The following CMIP variants were observed in gnomAD, a reference collection of about 807,000 sequenced individuals.
The protein encoded by CMIP is c-Maf inducing protein.
A neutral mutation model predicts 97.3 loss-of-function variants in CMIP; 13 were observed. That is an observed-to-expected ratio of 0.13 (90% CI 0.09 to 0.21). The LOEUF is 0.21. Among genes scored for constraint, CMIP ranks in the 10% least tolerant of loss-of-function variants. CMIP has a pLI of 1.00. For synonymous variants in CMIP, 538 were observed against 436.3 expected (o/e 1.23, Z -2.91); for missense variants, 847 against 1,024.9 (o/e 0.83, Z 2.37).
At chr16:81,611,054 C>T (rs534759284) in intron 2 of CMIP, among the ~76,000 whole-genome samples, 27 of 152,108 alleles carry the variant, frequency 1.8e-4, no homozygotes, top group Admixed American at 5.9e-4. Context: ...TAAATGGTGC[C>T]GCCCGGCACA....
At position 81,544,931 on chromosome 16, in the gene CMIP, C is replaced by T. The variant is rs566907773; in HGVS notation, c.301-62636C>T. ...GTCCACAGGACAAAGTTCAACCCCT[C>T]ATTTTTTTGGCAGAGAAGGCTGCCA... On this transcript the variant is annotated intron_variant, in intron 1 of 20. Coordinates refer to ENST00000537098, the MANE Select transcript of CMIP (RefSeq NM_198390.3). 3.3e-5 allele frequency among the ~76,000 whole-genome samples: 5 copies of T among 151,010 alleles called. No homozygotes were observed. The South Asian group carries it at 1.0e-3, about 31-fold the overall frequency.
rs879469973 is a variant in CMIP, at chr16:81,671,885, A to T, written c.930-81A>T. 1.2e-5 allele frequency: 8 copies of T among 690,914 alleles called. No individual in the cohort carries two copies. In the South Asian group the frequency reaches 1.4e-4, roughly 12 times the overall value. The allele number at this position is 690,914 out of a possible 1,614,324, so 42.8% of individuals were successfully genotyped here. A position where few individuals can be genotyped will look rare whatever the true frequency, so the allele number is the denominator to read the frequency against. ...GAGCGGGCAGCCCCGTGCCTGAGCA[A>T]CGCCCTCCCTTTCCCCCCTTACCCT... On this transcript the variant is annotated intron_variant, in intron 8 of 20. Transcript: ENST00000537098.
chr16:81,697,731 CTG>C (rs1263976861), intron 14 of CMIP: 1 of 152,260 alleles, frequency 6.6e-6, no homozygotes, highest in African/African-American at 2.4e-5. Context: ...GCTGTCCACA[CTG>C]AACTCAGCAG....
intron 5 of CMIP, 30 bp downstream of exon 5, chr16:81,657,846 C>A: frequency 1.3e-6 from 2 of 1,572,352 alleles, no homozygotes; most frequent in Non-Finnish European, 1.7e-6. Context: ...GCTCCCTCCA[C>A]CCACCTCCGC....
intron 1 of CMIP, among the ~76,000 whole-genome samples, chr16:81,477,962 C>A (rs1197335250): frequency 6.6e-6 from 1 of 152,236 alleles, no homozygotes; most frequent in East Asian, 1.9e-4. Context: ...GCCAGACCAT[C>A]ATGTGGCATC....
At chr16:81,535,894 A>G (rs2090333546) in intron 1 of CMIP, among the ~76,000 whole-genome samples, 2 of 152,184 alleles carry the variant, frequency 1.3e-5, no homozygotes, top group Non-Finnish European at 2.9e-5. Context: ...TACATGTTCC[A>G]GGTTTTTGAG....
chr16:81,666,024 C>A (rs979708408), intron 7 of CMIP: 2 of 152,176 alleles, frequency 1.3e-5, no homozygotes, highest in African/African-American at 4.8e-5. Flanking sequence ...TTTCAGAACA[C>A]AGGGGATAGG....
intron 1 of CMIP, among the ~76,000 whole-genome samples, chr16:81,488,738 A>G (rs2089359879): frequency 6.6e-6 from 1 of 151,598 alleles, no homozygotes; most frequent in South Asian, 2.1e-4. Context: ...GAACCTCTGT[A>G]CTCCTCTTCG....
chr16:81,472,037 C>T (rs575438261), intron 1 of CMIP, among the ~76,000 whole-genome samples: 7 of 152,312 alleles, frequency 4.6e-5, no homozygotes, highest in Admixed American at 2.6e-4. Context: ...GATTCACGGA[C>T]ATGTACATGC....
rs865863044 is a variant in CMIP at position 81,696,941 on chromosome 16, C to G, written c.1638+274C>G. On this transcript the variant is annotated intron_variant, in intron 14 of 20. Transcript: ENST00000537098. ...TGAGAAGACGACACATGTCATTGCC[C>G]CATTTTATACCCAAGGCAGCTAAAG... 3.0e-5 allele frequency: 15 copies of G among 507,532 alleles called. No homozygotes were observed. The Middle Eastern group carries it at 2.1e-3, about 70-fold the overall frequency. The allele number at this position is 507,532 out of a possible 1,614,324, so 31.4% of individuals were successfully genotyped here. A position where few individuals can be genotyped will look rare whatever the true frequency, so the allele number is the denominator to read the frequency against.
At chr16:81,562,416 G>T (rs1190587553) in intron 1 of CMIP, among the ~76,000 whole-genome samples, 3 of 152,244 alleles carry the variant, frequency 2.0e-5, no homozygotes, top group Admixed American at 6.5e-5. Flanking sequence ...GAAACCACTG[G>T]CAAGGTGCTG....
intron 4 of CMIP, among the ~76,000 whole-genome samples, chr16:81,656,415 A>C (rs780341262): frequency 1.3e-5 from 2 of 152,254 alleles, no homozygotes; most frequent in Non-Finnish European, 2.9e-5. Flanking sequence ...CAAGCAGCCA[A>C]TGTGGCTCTT....
chr16:81,603,058 A>G (rs1269402439), intron 1 of CMIP, among the ~76,000 whole-genome samples: 1 of 151,974 alleles, frequency 6.6e-6, no homozygotes, highest in Non-Finnish European at 1.5e-5. Flanking sequence ...ATAGCACTAC[A>G]GCAGCAGCAG....
chr16:81,622,418 C>G (rs1009770665), intron 3 of CMIP, among the ~76,000 whole-genome samples: 1 of 152,132 alleles, frequency 6.6e-6, no homozygotes, highest in Non-Finnish European at 1.5e-5. Flanking sequence ...ACGAGTGTGT[C>G]TGAAGACAGG....
chr16:81,531,375 G>C (rs1301854940), intron 1 of CMIP, among the ~76,000 whole-genome samples: 2 of 152,156 alleles, frequency 1.3e-5, no homozygotes, highest in Admixed American at 6.5e-5. Context: ...TCTTGACTTA[G>C]GACTCTCAGC....
At chr16:81,514,057 C>T (rs1014670301) in intron 1 of CMIP, among the ~76,000 whole-genome samples, 4 of 152,150 alleles carry the variant, frequency 2.6e-5, no homozygotes, top group South Asian at 4.1e-4. Flanking sequence ...AAAACAAAAA[C>T]GCCGCCAGCT....
At chr16:81,638,079 C>T (rs569152485) in intron 3 of CMIP, among the ~76,000 whole-genome samples, 1 of 152,178 alleles carries the variant, frequency 6.6e-6, no homozygotes, top group Non-Finnish European at 1.5e-5. Flanking sequence ...AAGATACAAA[C>T]ATTCAGAGCT....
chr16:81,686,455 C>G (rs139932420), intron 10 of CMIP, among the ~76,000 whole-genome samples: 1 of 152,324 alleles, frequency 6.6e-6, no homozygotes, highest in Non-Finnish European at 1.5e-5. Flanking sequence ...TCATCTGCCT[C>G]CCAGGCGTGG....
intron 1 of CMIP, among the ~76,000 whole-genome samples, chr16:81,478,775 C>A (rs75343813): frequency 6.6e-6 from 1 of 152,168 alleles, no homozygotes; most frequent in Admixed American, 6.5e-5. Flanking sequence ...CTGGAAGCGC[C>A]ATATCCAGAG....
Sources: allele counts gnomAD v4.1 joint callset (sites outside exome capture counted in the v4.1 genomes callset), GRCh38; gene constraint gnomAD v4.1.1; transcripts MANE v1.5; gene names NCBI Gene and HGNC (gene_info 2026-07-23, HGNC 2026-07-21).